RBBP8: variants seen among roughly 807,000 people sequenced by gnomAD.
The protein encoded by RBBP8 is RB binding protein 8, endonuclease, also known as DNA endonuclease RBBP8.
In RBBP8, 88 loss-of-function variants were observed where a neutral mutation model predicts 108.3. The observed-to-expected ratio is 0.81, with a 90% CI of 0.68 to 0.97. The LOEUF is 0.97. Among genes scored for constraint, RBBP8 ranks in the 50% least tolerant of loss-of-function variants. RBBP8 has a pLI of 0.00. For synonymous variants in RBBP8, 332 were observed against 348.2 expected (o/e 0.95, Z 0.52); for missense variants, 1,023 against 1,049.0 (o/e 0.98, Z 0.34).
intron 5 of RBBP8, among the ~76,000 whole-genome samples, chr18:22,970,472 T>C (rs1024324084): frequency 6.6e-6 from 1 of 152,222 alleles, no homozygotes; most frequent in African/African-American, 2.4e-5. Flanking sequence ...TAGGTGTCAA[T>C]TTTTTAGCTA....
upstream of RBBP8, among the ~76,000 whole-genome samples, chr18:22,932,613 G>A (rs188932182): frequency 1.3e-5 from 2 of 152,162 alleles, no homozygotes; most frequent in East Asian, 3.9e-4. Flanking sequence ...AAAAGTACTG[G>A]ACTGGTTTAA....
chr18:22,921,874 T>C (rs1909607950), intron 3 of RBBP8, among the ~76,000 whole-genome samples: 1 of 152,222 alleles, frequency 6.6e-6, no homozygotes, highest in Non-Finnish European at 1.5e-5. Flanking sequence ...ATGTCCAGCA[T>C]TGATCCAAAG....
At chr18:23,022,094 CT>C in intron 17 of RBBP8, 34 bp from the exon 18 acceptor site, 1 of 1,498,132 alleles carries the variant, frequency 6.7e-7, no homozygotes, top group Non-Finnish European at 9.3e-7. Context: ...ATTTATTATT[CT>C]TTAGTGAAAA....
chr18:22,994,318 C>T (rs555270454), intron 12 of RBBP8, among the ~76,000 whole-genome samples: 6 of 149,642 alleles, frequency 4.0e-5, no homozygotes, highest in Non-Finnish European at 8.9e-5. Flanking sequence ...TCACTGCGCC[C>T]GGCCACTTAT....
intron 12 of RBBP8, among the ~76,000 whole-genome samples, chr18:22,994,472 C>G (rs1263320388): frequency 6.7e-6 from 1 of 148,760 alleles, no homozygotes; most frequent in African/African-American, 2.4e-5. Context: ...GAAACCCCAT[C>G]TCTACTAAAA....
intron 10 of RBBP8, among the ~76,000 whole-genome samples, chr18:22,992,091 G>T (rs1253259135): frequency 6.6e-6 from 1 of 152,180 alleles, no homozygotes; most frequent in African/African-American, 2.4e-5. Flanking sequence ...CTCTGCTAGA[G>T]ACAGGCTGAA....
intron 4 of RBBP8, among the ~76,000 whole-genome samples, chr18:22,968,109 G>C (rs1913773931): frequency 6.9e-6 from 1 of 145,544 alleles, no homozygotes; most frequent in South Asian, 2.1e-4. Context: ...GTCTTGCTCT[G>C]TCCCCCAGGC....
upstream of RBBP8, among the ~76,000 whole-genome samples, chr18:22,930,040 T>C (rs767802074): frequency 6.6e-6 from 1 of 152,242 alleles, no homozygotes; most frequent in Non-Finnish European, 1.5e-5. Context: ...TTCTAGAATC[T>C]ACAGGATTTC....
intron 16 of RBBP8, among the ~76,000 whole-genome samples, chr18:23,012,773 G>A (rs923687555): frequency 6.6e-6 from 1 of 152,202 alleles, no homozygotes; most frequent in African/African-American, 2.4e-5. Flanking sequence ...TAGATTTTCA[G>A]TGCAGATGAA....
chr18:23,022,663 T>TAAAATAAAATAAAAAAATAA (rs1555650172), intron 18 of RBBP8, among the ~76,000 whole-genome samples: 1 of 99,816 alleles, frequency 1.0e-5, no homozygotes, highest in East Asian at 2.6e-4. Context: ...TAAAATAAAA[T>TAAAATAAAATAAAAAAATAA]AAAATAAATA....
At chr18:22,995,808 A>G (rs1343283328) in intron 12 of RBBP8, among the ~76,000 whole-genome samples, 1 of 152,168 alleles carries the variant, frequency 6.6e-6, no homozygotes, top group African/African-American at 2.4e-5. Context: ...CTGACATTCA[A>G]GTTGTCACTT....
At chr18:22,969,685 G>A (rs1446951226) in intron 5 of RBBP8, among the ~76,000 whole-genome samples, 1 of 152,108 alleles carries the variant, frequency 6.6e-6, no homozygotes, top group Non-Finnish European at 1.5e-5. Context: ...TTAATAGTCT[G>A]ATACATATCT....
At chr18:22,922,843 G>T (rs891122776) in intron 3 of RBBP8, among the ~76,000 whole-genome samples, 4 of 152,054 alleles carry the variant, frequency 2.6e-5, no homozygotes, top group Admixed American at 1.3e-4. Context: ...TTTTGCCATT[G>T]GGTTAGATGA....
intron 15 of RBBP8, 146 bp from the exon 16 acceptor site, chr18:23,006,217 G>C (rs1325662376): frequency 2.8e-6 from 2 of 707,762 alleles, no homozygotes; most frequent in African/African-American, 3.7e-5. Flanking sequence ...CAAAGTTGCA[G>C]AAAATTTAAA....
Position 22,993,810 on chromosome 18 carries a change from T to C in RBBP8, c.1902T>C (p.Cys634=), listed in dbSNP as rs201620586. ...ELASVLQLNP[C]RTGKIKSLQN... is the part of the protein sequence containing the mutation. The stretch of plus-strand genomic sequence containing the variant: ...CATCAGTTCTTCAGTTAAATCCATG[T>C]AGAACTGGTAAAATAAAGTCTCTAC... The change falls in exon 12 of 19, where the codon TGT becomes TGC. Residue 634 remains cysteine, a synonymous_variant. Coordinates refer to ENST00000327155, the MANE Select transcript of RBBP8 (RefSeq NM_002894.3). 106 of 1,613,520 alleles carry C rather than the reference T, an allele frequency of 6.6e-5. 5 individuals carry two copies. In the Middle Eastern group the frequency reaches 9.6e-3, roughly 146 times the overall value.
At chr18:23,024,613 T>G (rs2046425037) in intron 18 of RBBP8, 1 of 152,226 alleles carries the variant, frequency 6.6e-6, no homozygotes, top group African/African-American at 2.4e-5. Context: ...CCAGAGGCAA[T>G]TAGTTATCTC....
At chr18:22,962,021 A>T (rs1419182013) in intron 4 of RBBP8, among the ~76,000 whole-genome samples, 1 of 152,380 alleles carries the variant, frequency 6.6e-6, no homozygotes, top group East Asian at 1.9e-4. Flanking sequence ...GTGCTTAAAC[A>T]TGTCCAGTGA....
At position 22,946,424 on chromosome 18, in the gene RBBP8, C is replaced by A. The variant is rs774959239; in HGVS notation, c.110-20C>A. On this transcript the variant is annotated intron_variant, in intron 2 of 18. Transcript: ENST00000327155. ...AAAGGAACTGTTGTAGAAGTAATAC[C>A]TTTTCTTTTTACTTTTCAGGTTTAC... 2 of 1,611,410 alleles carry A rather than the reference C, an allele frequency of 1.2e-6. No individual in the cohort carries two copies. Among genetic ancestry groups the A allele is most frequent in the Non-Finnish European group, 1.7e-6 (2 of 1,178,700 alleles).
chr18:22,933,072 A>G (rs747164410), upstream of RBBP8, among the ~76,000 whole-genome samples: 5 of 152,236 alleles, frequency 3.3e-5, no homozygotes, highest in African/African-American at 4.8e-5. Context: ...CAGTGTACAG[A>G]TAACTTTCAC....
Sources: gnomAD v4.1 joint callset for allele counts (sites outside exome capture counted in the v4.1 genomes callset) on GRCh38, gnomAD v4.1.1 for gene constraint, MANE v1.5 for transcripts, NCBI Gene and HGNC (gene_info 2026-07-23, HGNC 2026-07-21) for gene names.